Variants in RYK observed in about 807,000 individuals in gnomAD.
RYK encodes inactive tyrosine-protein kinase RYK.
RYK carries 21 observed loss-of-function variants against 70.2 expected under a neutral mutation model. The observed-to-expected ratio is 0.30, with a 90% CI of 0.21 to 0.43. The LOEUF (loss-of-function observed/expected upper bound fraction) is 0.43. Among genes scored for constraint, RYK ranks in the 20% least tolerant of loss-of-function variants. The pLI is 1.00. For synonymous variants in RYK, 267 were observed against 278.0 expected, an observed-to-expected ratio of 0.96 and a Z score of 0.39; for missense variants, 604 against 753.3, an observed-to-expected ratio of 0.80 and a Z score of 2.32.
intron 5 of RYK, among the ~76,000 whole-genome samples, chr3:134,205,844 G>A (rs948653018): frequency 1.3e-5 from 2 of 152,146 alleles, no homozygotes; most frequent in African/African-American, 2.4e-5. Flanking sequence ...AACCCCCGAG[G>A]AAAGGATCTC....
intron 1 of RYK, among the ~76,000 whole-genome samples, chr3:134,235,346 A>G (rs1407047465): frequency 6.6e-6 from 1 of 152,074 alleles, no homozygotes; most frequent in Non-Finnish European, 1.5e-5. Context: ...GTCTATAATG[A>G]GTATATTTTC....
chr3:134,217,040 G>A (rs568631269), intron 2 of RYK, among the ~76,000 whole-genome samples: 2 of 152,244 alleles, frequency 1.3e-5, no homozygotes, highest in East Asian at 1.9e-4. Context: ...TGACCTATGC[G>A]CTAAGAGTAA....
chr3:134,158,867 A>C (rs962718835), intron 14 of RYK, among the ~76,000 whole-genome samples: 25 of 152,218 alleles, frequency 1.6e-4, no homozygotes, highest in Admixed American at 1.6e-3. Context: ...AGGCAAAATG[A>C]CAACGAGAGA....
rs114638857 is a variant in RYK at position 134,221,630 on chromosome 3, G to C, written c.354+788C>G. ...TAAAGTGGCCAATTTAAATAACTTG[G>C]AGCAAATATTATGACAGACACTACT... is the stretch of plus-strand genomic sequence containing the variant. On this transcript the variant is annotated intron_variant, in intron 2 of 14. Transcript: ENST00000623711. Among the ~76,000 whole-genome samples the C allele has an allele frequency of 3.3e-3, 498 of 152,048 alleles. 2 individuals are homozygous for C. The highest frequency in any genetic ancestry group is 0.011 in the African/African-American group (458 of 41,460).
At chr3:134,187,534 A>G (rs1366362843) in intron 9 of RYK, among the ~76,000 whole-genome samples, 1 of 152,134 alleles carries the variant, frequency 6.6e-6, no homozygotes, top group Non-Finnish European at 1.5e-5. Context: ...TAAGCAAATA[A>G]GACTTACCTC....
At chr3:134,180,038 C>T (rs1361942016) in intron 10 of RYK, 1 of 151,990 alleles carries the variant, frequency 6.6e-6, no homozygotes, top group Admixed American at 6.6e-5. Flanking sequence ...TGAATGAAAG[C>T]AGGAGATGCT....
intron 4 of RYK, among the ~76,000 whole-genome samples, chr3:134,209,050 T>C (rs2014310119): frequency 6.6e-6 from 1 of 152,210 alleles, no homozygotes; most frequent in African/African-American, 2.4e-5. Context: ...TCTAAAATTC[T>C]TTGATTTATG....
intron 6 of RYK, among the ~76,000 whole-genome samples, chr3:134,199,497 A>C (rs761994410): frequency 7.2e-5 from 11 of 152,244 alleles, no homozygotes; most frequent in Non-Finnish European, 1.5e-4. Flanking sequence ...AGCAATCCTG[A>C]AAAAGTTATT....
intron 1 of RYK, among the ~76,000 whole-genome samples, chr3:134,250,173 G>A (rs1371701638): frequency 6.6e-6 from 1 of 152,088 alleles, no homozygotes; most frequent in African/African-American, 2.4e-5. Flanking sequence ...GATGGGATGG[G>A]GTGAATCTGG....
At chr3:134,167,783 T>C (rs2012732864) in intron 13 of RYK, among the ~76,000 whole-genome samples, 1 of 152,114 alleles carries the variant, frequency 6.6e-6, no homozygotes, top group African/African-American at 2.4e-5. Context: ...TGGGATCTAA[T>C]TAAACTAAAG....
intron 4 of RYK, 63 bp downstream of exon 4, chr3:134,209,632 C>T: frequency 8.2e-7 from 1 of 1,220,802 alleles, no homozygotes; most frequent in Non-Finnish European, 1.1e-6. Flanking sequence ...GAAAAAACAA[C>T]AAACTCTATT....
chr3:134,230,754 G>T (rs2015032193), intron 1 of RYK, among the ~76,000 whole-genome samples: 1 of 152,080 alleles, frequency 6.6e-6, no homozygotes. Flanking sequence ...TGGAGTGGTG[G>T]TTACATAGGT....
chr3:134,203,981 A>G (rs2014115103), intron 5 of RYK, among the ~76,000 whole-genome samples: 1 of 152,206 alleles, frequency 6.6e-6, no homozygotes. Flanking sequence ...AGATCTATAT[A>G]TTCTTCATAT....
In RYK at chr3:134,208,750, C is replaced by G. The variant is rs1342392010; in HGVS notation, c.589+945G>C. ...TCTGCATCCTAGCTGCACCACTTAG[C>G]TATCTGATCTTGACAAGCTAGATTC... On this transcript the variant is annotated intron_variant, in intron 4 of 14. Transcript: ENST00000623711. Among the ~76,000 whole-genome samples, 3 of 152,186 alleles carry G rather than the reference C, an allele frequency of 2.0e-5. 1 individual carries two copies. The highest frequency in any genetic ancestry group is 4.4e-5 in the Non-Finnish European group (3 of 68,024).
At chr3:134,191,542 TCA>T (rs1053021559) in intron 8 of RYK, among the ~76,000 whole-genome samples, 2 of 152,144 alleles carry the variant, frequency 1.3e-5, no homozygotes, top group Admixed American at 1.3e-4. Flanking sequence ...TTAGACTATC[TCA>T]GAGAGACCTG....
At chr3:134,224,342 G>C (rs796370652) in intron 1 of RYK, among the ~76,000 whole-genome samples, 5 of 152,272 alleles carry the variant, frequency 3.3e-5, no homozygotes, top group African/African-American at 1.2e-4. Flanking sequence ...GGTGGAGAGA[G>C]AGAGGGGGCA....
chr3:134,241,763 C>T (rs140690716), intron 1 of RYK, among the ~76,000 whole-genome samples: 1 of 152,324 alleles, frequency 6.6e-6, no homozygotes, highest in East Asian at 1.9e-4. Flanking sequence ...CATAGCCCCA[C>T]ACATCTCTGT....
intron 1 of RYK, among the ~76,000 whole-genome samples, chr3:134,223,634 G>A (rs951506387): frequency 6.6e-6 from 1 of 151,790 alleles, no homozygotes; most frequent in African/African-American, 2.4e-5. Flanking sequence ...TCACACAGAG[G>A]ATTTCTCCAT....
At chr3:134,169,012 C>T (rs1464512297) in intron 13 of RYK, among the ~76,000 whole-genome samples, 1 of 152,052 alleles carries the variant, frequency 6.6e-6, no homozygotes, top group Non-Finnish European at 1.5e-5. Context: ...TCCAGACTTC[C>T]TTTTATTTTC....
Sources: gnomAD v4.1 joint callset for allele counts (sites outside exome capture counted in the v4.1 genomes callset) on GRCh38, gnomAD v4.1.1 for gene constraint, MANE v1.5 for transcripts, NCBI Gene and HGNC (gene_info 2026-07-23, HGNC 2026-07-21) for gene names.